DLC1: variants seen among roughly 807,000 people sequenced by gnomAD.
DLC1 encodes rho GTPase-activating protein 7.
In DLC1, 54 loss-of-function variants were observed where a neutral mutation model predicts 140.3. The observed-to-expected ratio is 0.38, with a 90% CI of 0.31 to 0.48. The LOEUF is 0.48. Ranked by LOEUF, DLC1 falls within the 20% of genes least tolerant of loss-of-function variation. The probability of loss-of-function intolerance (pLI) is 0.96; values close to 1 mark genes in which losing one functional copy is unlikely to be tolerated. For synonymous variants in DLC1, 986 were observed against 728.1 expected, an observed-to-expected ratio of 1.35 and a Z score of -5.70; for missense variants, 2,536 against 1,907.0, an observed-to-expected ratio of 1.33 and a Z score of -6.14.
intron 5 of DLC1, among the ~76,000 whole-genome samples, chr8:13,173,674 C>G (rs28733022): frequency 5.9e-5 from 9 of 152,102 alleles, no homozygotes; most frequent in African/African-American, 2.2e-4. Flanking sequence ...CCGGCCTGTT[C>G]TGCTCCCTTT....
Position 13,091,086 on chromosome 8 carries a change from G to A in DLC1, c.3855+232C>T, listed in dbSNP as rs370689323. Among the ~76,000 whole-genome samples the A allele has an allele frequency of 2.0e-5, 3 of 152,260 alleles. No individual in the cohort carries two copies. The East Asian group carries it at 5.8e-4, about 29-fold the overall frequency. ...GCCTCCCAAAGTGTTAGAATTACAG[G>A]CGTGAGCCACTGCGCCCGGCTGCTT... On this transcript the variant is annotated intron_variant, in intron 14 of 17. Coordinates refer to ENST00000276297, the MANE Select transcript of DLC1 (RefSeq NM_182643.3).
intron 4 of DLC1, among the ~76,000 whole-genome samples, chr8:13,334,500 C>T (rs1055549570): frequency 7.9e-5 from 12 of 152,066 alleles, no homozygotes; most frequent in African/African-American, 2.9e-4. Flanking sequence ...ACTGCGCAGG[C>T]AGGGGAGAAG....
chr8:13,334,907 C>T (rs1041310759), intron 4 of DLC1, among the ~76,000 whole-genome samples: 3 of 152,164 alleles, frequency 2.0e-5, no homozygotes, highest in Admixed American at 6.5e-5. Flanking sequence ...CTCATTTATG[C>T]CTCTTAACTT....
At chr8:13,105,970 T>A (rs1039430666) in intron 7 of DLC1, among the ~76,000 whole-genome samples, 1 of 152,238 alleles carries the variant, frequency 6.6e-6, no homozygotes, top group African/African-American at 2.4e-5. Context: ...GCTGATATGC[T>A]GGGCGTAACC....
intron 5 of DLC1, among the ~76,000 whole-genome samples, chr8:13,191,031 T>A (rs1161154778): frequency 1.3e-5 from 2 of 151,988 alleles, no homozygotes; most frequent in African/African-American, 4.8e-5. Context: ...GTGAGATAGA[T>A]AACGAGGTAG....
intron 4 of DLC1, among the ~76,000 whole-genome samples, chr8:13,391,342 A>G (rs1397416599): frequency 6.6e-6 from 1 of 152,180 alleles, no homozygotes; most frequent in East Asian, 1.9e-4. Context: ...GTATTCCCAG[A>G]TGACAAGTCA....
chr8:13,338,003 T>C (rs1237569485), intron 4 of DLC1, among the ~76,000 whole-genome samples: 2 of 152,196 alleles, frequency 1.3e-5, no homozygotes, highest in African/African-American at 2.4e-5. Flanking sequence ...ACTTCAGTGT[T>C]CCTAGCCAGA....
At chr8:13,287,244 T>C (rs1831564503) in intron 5 of DLC1, among the ~76,000 whole-genome samples, 1 of 152,200 alleles carries the variant, frequency 6.6e-6, no homozygotes, top group Non-Finnish European at 1.5e-5. Context: ...ATTCAATGTA[T>C]GGCTCGTCAG....
chr8:13,324,551 C>T (rs1314133128), intron 4 of DLC1, among the ~76,000 whole-genome samples: 1 of 89,870 alleles, frequency 1.1e-5, no homozygotes, highest in Non-Finnish European at 2.0e-5. Flanking sequence ...CCAGCCTGGG[C>T]AAAAGAGCTA....
intron 3 of DLC1, among the ~76,000 whole-genome samples, chr8:13,398,449 A>G (rs987994468): frequency 3.3e-5 from 5 of 151,984 alleles, no homozygotes; most frequent in African/African-American, 1.2e-4. Flanking sequence ...GGGAGAAATG[A>G]TGGAGCAATA....
intron 1 of DLC1, among the ~76,000 whole-genome samples, chr8:13,545,889 G>A (rs564909832): frequency 6.6e-6 from 1 of 152,186 alleles, no homozygotes; most frequent in South Asian, 2.1e-4. Context: ...AAAACGGTAA[G>A]AAGCCTATCA....
intron 5 of DLC1, among the ~76,000 whole-genome samples, chr8:13,151,124 C>G (rs772681078): frequency 6.6e-6 from 1 of 152,040 alleles, no homozygotes; most frequent in Non-Finnish European, 1.5e-5. Context: ...TTATAAAACA[C>G]GGGTAAAGAT....
In DLC1 at chr8:13,514,765, A is replaced by G. The variant is rs946924013; in HGVS notation, c.-289T>C. The G allele has an allele frequency of 2.3e-5, 9 of 397,330 alleles. No individual in the cohort carries two copies. The highest frequency in any genetic ancestry group is 1.9e-4 in the African/African-American group (9 of 48,576). The allele number at this position is 397,330 out of a possible 1,614,324, so 24.6% of individuals were successfully genotyped here. On this transcript the variant is annotated 5_prime_UTR_variant, in exon 1 of 18. Coordinates refer to ENST00000276297, the MANE Select transcript of DLC1 (RefSeq NM_182643.3). ...TCACGCAGTGTGTGAGTCTAACAAA[A>G]ACACCCTCTGCAGCTGGAGGGAGCC...
At chr8:13,275,070 T>C (rs1439873476) in intron 5 of DLC1, among the ~76,000 whole-genome samples, 3 of 152,204 alleles carry the variant, frequency 2.0e-5, no homozygotes, top group African/African-American at 4.8e-5. Context: ...ATTTAAAATA[T>C]TTTGCTCCCT....
chr8:13,344,723 G>C (rs1363743653), intron 4 of DLC1, among the ~76,000 whole-genome samples: 7 of 152,142 alleles, frequency 4.6e-5, no homozygotes, highest in African/African-American at 1.2e-4. Flanking sequence ...TATAACACAA[G>C]ATAGACTGAA....
Position 13,133,055 on chromosome 8 carries a change from G to A in DLC1, c.1349-17398C>T, listed in dbSNP as rs375760830. 1,981 of 1,562,928 alleles carry A rather than the reference G, an allele frequency of 1.3e-3. 11 individuals carry two copies. In the African/African-American group the frequency reaches 0.021, roughly 16 times the overall value. ...GGAGGCGGCTCGGCTTCCGCGTCGG[G>A]ACCCACGGCGGCACCCGAGACGCGC... On this transcript the variant is annotated intron_variant, in intron 5 of 17. Coordinates refer to ENST00000276297, the MANE Select transcript of DLC1 (RefSeq NM_182643.3).
At chr8:13,439,020 A>G (rs1303382860) in intron 2 of DLC1, among the ~76,000 whole-genome samples, 3 of 152,158 alleles carry the variant, frequency 2.0e-5, no homozygotes, top group Admixed American at 2.0e-4. Flanking sequence ...ATTCCAATAA[A>G]TCTTTATTCA....
chr8:13,490,227 T>C (rs570011264), intron 2 of DLC1, among the ~76,000 whole-genome samples: 4 of 152,340 alleles, frequency 2.6e-5, no homozygotes, highest in South Asian at 4.1e-4. Flanking sequence ...CCTTTTGAAG[T>C]TTCATTGGCT....
In DLC1 at chr8:13,448,486, T is replaced by C. The variant is rs143445087; in HGVS notation, c.1024-46867A>G. Reference sequence around the variant, plus strand: ...CAAGTGATCCTCCTGCCTCAACCTCTCAAGTAGCTGGGACTACAGGTGTGC... The same window carrying C: ...CAAGTGATCCTCCTGCCTCAACCTCCCAAGTAGCTGGGACTACAGGTGTGC... On this transcript the variant is annotated intron_variant, in intron 2 of 17. Coordinates refer to ENST00000276297, the MANE Select transcript of DLC1 (RefSeq NM_182643.3). 6.8e-3 allele frequency among the ~76,000 whole-genome samples: 1,031 copies of C among 151,754 alleles called. 15 individuals are homozygous for C. The highest frequency in any genetic ancestry group is 0.024 in the African/African-American group (978 of 41,396).
Sources: allele counts gnomAD v4.1 joint callset (sites outside exome capture counted in the v4.1 genomes callset), GRCh38; gene constraint gnomAD v4.1.1; transcripts MANE v1.5; gene names NCBI Gene and HGNC (gene_info 2026-07-23, HGNC 2026-07-21).